The following IMMP2L variants were observed in gnomAD, a reference collection of about 807,000 sequenced individuals.
The protein encoded by IMMP2L is inner mitochondrial membrane peptidase subunit 2.
IMMP2L carries 18 observed loss-of-function variants against 19.3 expected under a neutral mutation model. That is an observed-to-expected ratio of 0.93 (90% CI 0.64 to 1.38). The LOEUF (loss-of-function observed/expected upper bound fraction) is 1.38. Among genes scored for constraint, IMMP2L ranks in the 40% most tolerant of loss-of-function variants. IMMP2L has a pLI of 0.00. For synonymous variants in IMMP2L, 76 were observed against 73.0 expected (o/e 1.04, Z -0.21); for missense variants, 233 against 218.2 (o/e 1.07, Z -0.43).
Position 110,878,268 on chromosome 7 carries a change from TGCATGGA to T in IMMP2L, c.408+8318_408+8324del, listed in dbSNP as rs374599615. 2.2e-3 allele frequency among the ~76,000 whole-genome samples: 336 copies of T among 152,298 alleles called. 2 individuals carry two copies. Among genetic ancestry groups the T allele is most frequent in the Non-Finnish European group, 3.5e-3 (237 of 68,026 alleles). ...CATGTATGTAGTTGAGGGTATGAAA[TGCATGGA>T]GCATGATACTCTTTACATTGACAAG... On this transcript the variant is annotated intron_variant, in intron 5 of 5. Transcript: ENST00000405709.
chr7:111,280,542 A>G (rs1042833990), intron 3 of IMMP2L, among the ~76,000 whole-genome samples: 4 of 152,168 alleles, frequency 2.6e-5, no homozygotes, highest in Non-Finnish European at 5.9e-5. Context: ...CACTGTACCT[A>G]AAACAGTGGT....
chr7:110,815,739 C>A (rs1426036224), intron 5 of IMMP2L, among the ~76,000 whole-genome samples: 1 of 152,094 alleles, frequency 6.6e-6, no homozygotes, highest in African/African-American at 2.4e-5. Context: ...TCTAGATTTT[C>A]TAGTTTATTT....
intron 3 of IMMP2L, among the ~76,000 whole-genome samples, chr7:110,988,711 A>T (rs1242046399): frequency 6.6e-6 from 1 of 152,164 alleles, no homozygotes; most frequent in Non-Finnish European, 1.5e-5. Context: ...TGAAAAGATT[A>T]AAAATAATCC....
chr7:110,888,792 T>C lies in IMMP2L; in HGVS notation c.306-2097A>G, dbSNP rs144044724. 4.2e-4 allele frequency among the ~76,000 whole-genome samples: 64 copies of C among 152,332 alleles called. No individual in the cohort carries two copies. The East Asian group carries it at 0.012, about 29-fold the overall frequency. ...CCTGCTAACACTTGATATACATTTA[T>C]GGGTTTGTTTGTTTATTTTTTATGT... is the stretch of plus-strand genomic sequence containing the variant. On this transcript the variant is annotated intron_variant, in intron 4 of 5. Transcript: ENST00000405709.
intron 3 of IMMP2L, among the ~76,000 whole-genome samples, chr7:111,195,263 C>T (rs1376279558): frequency 2.6e-5 from 4 of 151,714 alleles, no homozygotes; most frequent in African/African-American, 9.7e-5. Flanking sequence ...AACCTAAATC[C>T]CATTAATATT....
intron 3 of IMMP2L, among the ~76,000 whole-genome samples, chr7:111,286,066 T>C (rs548266990): frequency 1.3e-5 from 2 of 152,286 alleles, no homozygotes; most frequent in South Asian, 2.1e-4. Flanking sequence ...GGATTTTTGA[T>C]AGCTTACAGA....
intron 3 of IMMP2L, among the ~76,000 whole-genome samples, chr7:111,030,909 TATATATATATATATATAA>T (rs1391615998): frequency 7.0e-5 from 4 of 57,368 alleles, no homozygotes; most frequent in Admixed American, 1.7e-4. Flanking sequence ...TATATATATA[TATATATATATATATATAA>T]AATATATATA....
chr7:110,867,580 T>C (rs1585078918), intron 5 of IMMP2L, among the ~76,000 whole-genome samples: 1 of 152,044 alleles, frequency 6.6e-6, no homozygotes, highest in East Asian at 1.9e-4. Context: ...ACATGACTAT[T>C]ACCAAGAAAA....
intron 3 of IMMP2L, among the ~76,000 whole-genome samples, chr7:111,288,709 C>G (rs1421796577): frequency 6.6e-6 from 1 of 152,028 alleles, no homozygotes; most frequent in African/African-American, 2.4e-5. Context: ...AAATGAAAAC[C>G]ACAATGAGAT....
At position 110,672,022 on chromosome 7, in the gene IMMP2L, CA is replaced by C. The variant is rs1165493623; in HGVS notation, c.409-8302del. On this transcript the variant is annotated intron_variant, in intron 5 of 5. Coordinates refer to ENST00000405709, the MANE Select transcript of IMMP2L (RefSeq NM_032549.4). ...TGTTTAGAAGCTGAAAAAAACAAAA[CA>C]AAAACAAAAACAAAAAAAGATTTTC... 2.0e-5 allele frequency among the ~76,000 whole-genome samples: 3 copies of C among 151,732 alleles called. No individual in the cohort carries two copies. In the East Asian group the frequency reaches 5.8e-4, roughly 29 times the overall value.
At chr7:111,412,592 T>C (rs73424088) in intron 3 of IMMP2L, among the ~76,000 whole-genome samples, 33,106 of 151,588 alleles carry the variant, frequency 0.22, 5,481 homozygotes, top group African/African-American at 0.44. Context: ...AATGAAAACA[T>C]AATATACCAA....
At chr7:110,868,866 G>A (rs1027853364) in intron 5 of IMMP2L, among the ~76,000 whole-genome samples, 2 of 151,472 alleles carry the variant, frequency 1.3e-5, no homozygotes, top group African/African-American at 4.9e-5. Flanking sequence ...GGTTTTAACA[G>A]TTCCTGAACT....
At chr7:111,367,986 TA>T (rs1829934853) in intron 3 of IMMP2L, among the ~76,000 whole-genome samples, 1 of 151,430 alleles carries the variant, frequency 6.6e-6, no homozygotes, top group African/African-American at 2.4e-5. Flanking sequence ...GACCACTCAT[TA>T]AAAAAAGGAA....
chr7:111,075,459 A>G (rs1436049363), intron 3 of IMMP2L, among the ~76,000 whole-genome samples: 1 of 152,172 alleles, frequency 6.6e-6, no homozygotes, highest in Non-Finnish European at 1.5e-5. Flanking sequence ...TTTTATTTAT[A>G]TCTATCATAA....
chr7:111,388,509 C>T (rs1832011920), intron 3 of IMMP2L, among the ~76,000 whole-genome samples: 1 of 151,786 alleles, frequency 6.6e-6, no homozygotes, highest in African/African-American at 2.4e-5. Flanking sequence ...TACATATATA[C>T]ATGTAATGTA....
At chr7:110,805,038 G>GA (rs1456061486) in intron 5 of IMMP2L, among the ~76,000 whole-genome samples, 3 of 151,994 alleles carry the variant, frequency 2.0e-5, no homozygotes, top group Non-Finnish European at 4.4e-5. Context: ...GAACTGCCTG[G>GA]AAAAAATTGA....
At chr7:111,134,206 T>G (rs1371875982) in intron 3 of IMMP2L, among the ~76,000 whole-genome samples, 1 of 152,028 alleles carries the variant, frequency 6.6e-6, no homozygotes, top group Non-Finnish European at 1.5e-5. Context: ...CCAAAAAAAG[T>G]ACTGTGTCTA....
intron 1 of IMMP2L, among the ~76,000 whole-genome samples, chr7:111,522,926 CAT>C (rs148789480): frequency 7.4e-6 from 1 of 134,952 alleles, no homozygotes; most frequent in African/African-American, 3.1e-5. Context: ...ATGTGAGATA[CAT>C]ATATATATAT....
intron 3 of IMMP2L, among the ~76,000 whole-genome samples, chr7:111,199,667 T>A (rs1048806079): frequency 6.6e-6 from 1 of 152,082 alleles, no homozygotes; most frequent in African/African-American, 2.4e-5. Context: ...TATCATTCTG[T>A]TTTTTGGTGA....
Sources: allele counts gnomAD v4.1 joint callset (sites outside exome capture counted in the v4.1 genomes callset), GRCh38; gene constraint gnomAD v4.1.1; transcripts MANE v1.5; gene names NCBI Gene and HGNC (gene_info 2026-07-23, HGNC 2026-07-21).